Variants in DPP10 observed in about 807,000 individuals in gnomAD.
DPP10 encodes dipeptidyl peptidase like 10.
Under a neutral mutation model 120.9 loss-of-function variants are expected in DPP10, and 33 were observed. The ratio of observed to expected loss-of-function variants is 0.27; its 90% CI spans 0.21 to 0.37. The LOEUF (loss-of-function observed/expected upper bound fraction) is 0.37, where lower values mean the gene tolerates loss of function less well. DPP10 is among the 10% of genes least tolerant of loss of function. The pLI is 1.00. For synonymous variants in DPP10, 337 were observed against 326.1 expected (o/e 1.03, Z -0.36); for missense variants, 816 against 942.8 (o/e 0.87, Z 1.76).
At chr2:115,034,479 G>A (rs1279014877) in intron 1 of DPP10, among the ~76,000 whole-genome samples, 1 of 151,970 alleles carries the variant, frequency 6.6e-6, no homozygotes, top group Non-Finnish European at 1.5e-5. Flanking sequence ...ATGCTATGTG[G>A]GCTTCTCAAA....
In DPP10 at chr2:114,985,419, G is replaced by A. The variant is rs570234200; in HGVS notation, c.61-323820G>A. ...GTTGCCACAGTCTAAATTATCTTGC[G>A]TACTTATTTGATTACCTGTGTATTG... On this transcript the variant is annotated intron_variant, in intron 1 of 25. Coordinates refer to ENST00000410059, the MANE Select transcript of DPP10 (RefSeq NM_020868.6). 1.1e-4 allele frequency among the ~76,000 whole-genome samples: 16 copies of A among 152,178 alleles called. 1 individual carries two copies. In the South Asian group the frequency reaches 1.2e-3, roughly 12 times the overall value.
chr2:114,462,059 A>G (rs1325435205), intron 1 of DPP10: 7 of 985,314 alleles, frequency 7.1e-6, no homozygotes, highest in Non-Finnish European at 7.2e-6. Flanking sequence ...AGAGTGTGAT[A>G]TCAAGAAAGG....
intron 1 of DPP10, chr2:115,162,189 C>G: frequency 6.4e-7 from 1 of 1,550,430 alleles, no homozygotes; most frequent in Non-Finnish European, 8.7e-7. Context: ...ACGGACTCTG[C>G]GGGAAGTTAG....
chr2:114,447,995 T>TA (rs1372925892), intron 1 of DPP10, among the ~76,000 whole-genome samples: 2 of 152,316 alleles, frequency 1.3e-5, no homozygotes, highest in East Asian at 3.9e-4. Flanking sequence ...ATGACAAATT[T>TA]ATCACCACTT....
chr2:115,821,026 C>A (rs1003174310), intron 21 of DPP10, among the ~76,000 whole-genome samples: 2 of 152,134 alleles, frequency 1.3e-5, no homozygotes, highest in Admixed American at 1.3e-4. Flanking sequence ...ACTTTTAGTT[C>A]TTTAAGGAAT....
chr2:114,832,124 C>T (rs1253539708), intron 1 of DPP10, among the ~76,000 whole-genome samples: 1 of 151,996 alleles, frequency 6.6e-6, no homozygotes, highest in Non-Finnish European at 1.5e-5. Context: ...ACTCAATGCT[C>T]TTCATAAAAT....
At chr2:115,259,089 C>T (rs541835964) in intron 1 of DPP10, among the ~76,000 whole-genome samples, 12 of 152,244 alleles carry the variant, frequency 7.9e-5, no homozygotes, top group Admixed American at 3.3e-4. Context: ...ACCTTGCTAA[C>T]ATTTGTCTTC....
At chr2:115,060,353 G>A (rs1706305998) in intron 1 of DPP10, among the ~76,000 whole-genome samples, 1 of 152,094 alleles carries the variant, frequency 6.6e-6, no homozygotes, top group Admixed American at 6.6e-5. Context: ...AGCAATTTGG[G>A]CGGCCGAGGC....
chr2:115,484,704 A>C (rs538631678), intron 3 of DPP10, among the ~76,000 whole-genome samples: 2 of 152,244 alleles, frequency 1.3e-5, no homozygotes, highest in East Asian at 1.9e-4. Context: ...GCCCCTGATG[A>C]CAACACTGAA....
intron 1 of DPP10, among the ~76,000 whole-genome samples, chr2:115,201,320 G>A (rs1408053576): frequency 1.3e-5 from 2 of 152,000 alleles, no homozygotes; most frequent in East Asian, 1.9e-4. Flanking sequence ...AAAATTAGCC[G>A]AATGTGGTGG....
chr2:114,993,592 A>G (rs1042441699), intron 1 of DPP10, among the ~76,000 whole-genome samples: 26 of 143,986 alleles, frequency 1.8e-4, no homozygotes, highest in African/African-American at 6.2e-4. Flanking sequence ...ATATATATAT[A>G]TATATATATA....
At chr2:115,036,754 A>C (rs1704253880) in intron 1 of DPP10, among the ~76,000 whole-genome samples, 1 of 152,158 alleles carries the variant, frequency 6.6e-6, no homozygotes, top group Admixed American at 6.6e-5. Context: ...TTCTATGTGG[A>C]TATTCCAATT....
chr2:114,726,975 G>C (rs72830377), intron 1 of DPP10, among the ~76,000 whole-genome samples: 2,113 of 152,342 alleles, frequency 0.014, 15 homozygotes, highest in Middle Eastern at 0.034. Flanking sequence ...TTCTCAGAGA[G>C]AGGAAGATGC....
chr2:114,909,023 T>C (rs1000014824), intron 1 of DPP10, among the ~76,000 whole-genome samples: 1 of 151,880 alleles, frequency 6.6e-6, no homozygotes, highest in Non-Finnish European at 1.5e-5. Context: ...AAAGTTTTTT[T>C]TCTTAAGTTT....
At chr2:115,814,066 A>T (rs1686959563) in intron 19 of DPP10, among the ~76,000 whole-genome samples, 1 of 152,196 alleles carries the variant, frequency 6.6e-6, no homozygotes, top group Non-Finnish European at 1.5e-5. Flanking sequence ...TTAAGCTGAC[A>T]TTTTAAAATT....
intron 5 of DPP10, among the ~76,000 whole-genome samples, chr2:115,666,627 A>G (rs1353864100): frequency 6.6e-6 from 1 of 152,166 alleles, no homozygotes; most frequent in African/African-American, 2.4e-5. Context: ...CATGGTATGT[A>G]TGTACCACAT....
chr2:115,245,410 G>A (rs752388603), intron 1 of DPP10, among the ~76,000 whole-genome samples: 16 of 151,714 alleles, frequency 1.1e-4, no homozygotes, highest in Admixed American at 3.9e-4. Context: ...AGAGAAATGC[G>A]AATTAAAACT....
intron 8 of DPP10, among the ~76,000 whole-genome samples, chr2:115,735,625 A>T (rs888225915): frequency 6.8e-6 from 1 of 146,972 alleles, no homozygotes. Context: ...GGTTCAAGAG[A>T]TTCTCCTGCC....
intron 1 of DPP10, among the ~76,000 whole-genome samples, chr2:114,738,338 G>T (rs904946564): frequency 6.6e-6 from 1 of 152,222 alleles, no homozygotes; most frequent in African/African-American, 2.4e-5. Flanking sequence ...GCATGAGCAG[G>T]CTGTCTGGTT....
Sources: gnomAD v4.1 joint callset for allele counts (sites outside exome capture counted in the v4.1 genomes callset) on GRCh38, gnomAD v4.1.1 for gene constraint, MANE v1.5 for transcripts, NCBI Gene and HGNC (gene_info 2026-07-23, HGNC 2026-07-21) for gene names.